Variants in TNIK observed in about 807,000 individuals in gnomAD.
TNIK encodes TRAF2 and NCK interacting kinase.
Under a neutral mutation model 191.3 loss-of-function variants are expected in TNIK, and 49 were observed. The ratio of observed to expected loss-of-function variants is 0.26; its 90% confidence interval spans 0.20 to 0.32. The LOEUF is 0.32. TNIK is among the 10% of genes least tolerant of loss of function. The pLI is 1.00. For synonymous variants in TNIK, 594 were observed against 600.9 expected, an observed-to-expected ratio of 0.99 and a Z score of 0.17; for missense variants, 1,155 against 1,702.3, an observed-to-expected ratio of 0.68 and a Z score of 5.66.
intron 9 of TNIK, among the ~76,000 whole-genome samples, chr3:171,167,823 A>G (rs1222915556): frequency 6.6e-6 from 1 of 152,254 alleles, no homozygotes; most frequent in Non-Finnish European, 1.5e-5. Context: ...CGTAGAAATG[A>G]GCAAGATTTT....
At chr3:171,277,615 G>A (rs996654254) in intron 2 of TNIK, among the ~76,000 whole-genome samples, 1 of 152,114 alleles carries the variant, frequency 6.6e-6, no homozygotes, top group Admixed American at 6.5e-5. Context: ...TATAGCAGGG[G>A]TTAGCAAACT....
intron 2 of TNIK, among the ~76,000 whole-genome samples, chr3:171,349,892 T>G (rs1397157440): frequency 6.6e-6 from 1 of 152,208 alleles, no homozygotes; most frequent in Non-Finnish European, 1.5e-5. Flanking sequence ...GTCTTAAAAT[T>G]GTTAAATCTG....
intron 2 of TNIK, among the ~76,000 whole-genome samples, chr3:171,255,505 C>G (rs932148968): frequency 7.2e-5 from 11 of 152,320 alleles, no homozygotes; most frequent in African/African-American, 2.4e-4. Context: ...ATCACCTGCT[C>G]ATCAACAGAT....
chr3:171,196,512 G>A (rs931349979), intron 4 of TNIK, among the ~76,000 whole-genome samples: 2 of 152,180 alleles, frequency 1.3e-5, no homozygotes, highest in African/African-American at 4.8e-5. Context: ...GTAACATCAT[G>A]AGGATACAAT....
intron 2 of TNIK, among the ~76,000 whole-genome samples, chr3:171,254,874 TCA>T (rs1746655181): frequency 1.3e-5 from 2 of 152,228 alleles, no homozygotes. Flanking sequence ...ATCTGATTTT[TCA>T]CAGTTTTTGA....
intron 22 of TNIK, among the ~76,000 whole-genome samples, chr3:171,099,331 AC>A (rs1288242248): frequency 6.6e-6 from 1 of 151,722 alleles, no homozygotes; most frequent in Non-Finnish European, 1.5e-5. Flanking sequence ...CTGTGTCTTT[AC>A]TTCAACTCTT....
At chr3:171,278,458 T>C (rs957805527) in intron 2 of TNIK, among the ~76,000 whole-genome samples, 3 of 152,024 alleles carry the variant, frequency 2.0e-5, no homozygotes, top group African/African-American at 7.3e-5. Context: ...TTCAAAGATA[T>C]CCTATAGATA....
At chr3:171,331,549 G>T (rs919284930) in intron 2 of TNIK, among the ~76,000 whole-genome samples, 5 of 152,088 alleles carry the variant, frequency 3.3e-5, no homozygotes, top group Admixed American at 6.5e-5. Context: ...GTCTGAGAAG[G>T]AATAACTAAA....
chr3:171,157,731 G>T, intron 11 of TNIK, 67 bp from the exon 12 acceptor site: 1 of 1,489,598 alleles, frequency 6.7e-7, no homozygotes. Context: ...AGAGGCCTTG[G>T]AGGAGGAAAG....
At chr3:171,088,231 GT>G (rs751729552) in intron 23 of TNIK, among the ~76,000 whole-genome samples, 1 of 142,788 alleles carries the variant, frequency 7.0e-6, no homozygotes, top group Non-Finnish European at 1.5e-5. Context: ...TCCTTTAAAG[GT>G]TTTTCTTTTT....
At chr3:171,385,440 C>G (rs1036113268) in intron 1 of TNIK, among the ~76,000 whole-genome samples, 1 of 152,048 alleles carries the variant, frequency 6.6e-6, no homozygotes, top group African/African-American at 2.4e-5. Flanking sequence ...GGAGGAACCT[C>G]CATCATCCAT....
At chr3:171,383,170 T>A (rs1276665142) in intron 1 of TNIK, among the ~76,000 whole-genome samples, 1 of 152,058 alleles carries the variant, frequency 6.6e-6, no homozygotes, top group Non-Finnish European at 1.5e-5. Flanking sequence ...TAAAATCCCT[T>A]CCAAAGCTGG....
chr3:171,273,383 C>T (rs182377942), intron 2 of TNIK, among the ~76,000 whole-genome samples: 1 of 152,266 alleles, frequency 6.6e-6, no homozygotes, highest in Non-Finnish European at 1.5e-5. Flanking sequence ...GCTTACTTCC[C>T]TCTCTTTTCC....
chr3:171,287,533 C>T (rs78906378), intron 2 of TNIK, among the ~76,000 whole-genome samples: 1,872 of 152,310 alleles, frequency 0.012, 20 homozygotes, highest in Non-Finnish European at 0.018. Context: ...AGTCTCCTAA[C>T]AATTTCCACT....
chr3:171,271,763 T>C (rs190186055), intron 2 of TNIK, among the ~76,000 whole-genome samples: 2 of 152,188 alleles, frequency 1.3e-5, no homozygotes, highest in African/African-American at 4.8e-5. Context: ...CAACCTATTA[T>C]ATATAACTTT....
chr3:171,348,382 A>G (rs1277938704), intron 2 of TNIK, among the ~76,000 whole-genome samples: 3 of 152,182 alleles, frequency 2.0e-5, no homozygotes, highest in African/African-American at 7.2e-5. Flanking sequence ...AGAAGATTCC[A>G]AATACATTTC....
chr3:171,273,167 T>C (rs1285795704), intron 2 of TNIK, among the ~76,000 whole-genome samples: 2 of 152,108 alleles, frequency 1.3e-5, no homozygotes, highest in Non-Finnish European at 2.9e-5. Context: ...CCAGGGGTGC[T>C]AGAGTCAGCC....
intron 1 of TNIK, among the ~76,000 whole-genome samples, chr3:171,385,093 C>T (rs1718550995): frequency 6.6e-6 from 1 of 152,154 alleles, no homozygotes; most frequent in African/African-American, 2.4e-5. Context: ...ACATGAAGGG[C>T]ACACGGAGGT....
At chr3:171,184,644 G>A (rs41322044) in intron 7 of TNIK, among the ~76,000 whole-genome samples, 3,118 of 152,300 alleles carry the variant, frequency 0.02, 97 homozygotes, top group African/African-American at 0.07. Context: ...GTTTGAGAGT[G>A]TAAATGCATC....
Sources: allele counts gnomAD v4.1 joint callset (sites outside exome capture counted in the v4.1 genomes callset), GRCh38; gene constraint gnomAD v4.1.1; transcripts MANE v1.5; gene names NCBI Gene and HGNC (gene_info 2026-07-23, HGNC 2026-07-21).